WDR7: variants seen among roughly 807,000 people sequenced by gnomAD.
WDR7 encodes WD repeat domain 7.
Under a neutral mutation model 169.4 loss-of-function variants are expected in WDR7, and 46 were observed. The ratio of observed to expected loss-of-function variants is 0.27; its 90% confidence interval spans 0.21 to 0.35. The LOEUF (loss-of-function observed/expected upper bound fraction) is 0.35, where lower values mean the gene tolerates loss of function less well. Among genes scored for constraint, WDR7 ranks in the 10% least tolerant of loss-of-function variants. The pLI is 1.00. For synonymous variants in WDR7, 612 were observed against 666.8 expected (o/e 0.92, Z 1.27); for missense variants, 1,534 against 1,859.3 (o/e 0.83, Z 3.22).
intron 22 of WDR7, among the ~76,000 whole-genome samples, chr18:56,924,897 A>C (rs2046781731): frequency 6.6e-6 from 1 of 152,202 alleles, no homozygotes; most frequent in Non-Finnish European, 1.5e-5. Context: ...CACAGAAGTC[A>C]CCCTGAATGG....
At chr18:56,763,981 T>C (rs1320795738) in intron 16 of WDR7, among the ~76,000 whole-genome samples, 2 of 152,120 alleles carry the variant, frequency 1.3e-5, no homozygotes, top group Non-Finnish European at 1.5e-5. Flanking sequence ...TTTAGCAATT[T>C]TATGGATCTT....
At chr18:56,740,090 TTCTC>T (rs895308335) in intron 14 of WDR7, among the ~76,000 whole-genome samples, 3 of 152,014 alleles carry the variant, frequency 2.0e-5, no homozygotes, top group East Asian at 1.9e-4. Context: ...TTTCATGTTC[TTCTC>T]TCTATTTTGT....
intron 20 of WDR7, among the ~76,000 whole-genome samples, chr18:56,851,998 A>G (rs1437175631): frequency 2.0e-5 from 3 of 152,034 alleles, no homozygotes; most frequent in Admixed American, 6.6e-5. Context: ...CTTCACAGAG[A>G]AAATGACCCT....
intron 20 of WDR7, among the ~76,000 whole-genome samples, chr18:56,839,430 TCTTA>T (rs1188117275): frequency 6.6e-6 from 1 of 152,320 alleles, no homozygotes; most frequent in East Asian, 1.9e-4. Flanking sequence ...AGTGTGTATC[TCTTA>T]CTTATAAGAC....
chr18:56,950,958 T>G (rs553684693), intron 25 of WDR7, among the ~76,000 whole-genome samples: 1 of 152,226 alleles, frequency 6.6e-6, no homozygotes, highest in Non-Finnish European at 1.5e-5. Context: ...ATTCTCAAAT[T>G]CTGTAGGCTC....
At chr18:56,727,788 CT>C (rs2026493114) in intron 13 of WDR7, among the ~76,000 whole-genome samples, 1 of 152,124 alleles carries the variant, frequency 6.6e-6, no homozygotes, top group African/African-American at 2.4e-5. Context: ...TGTTTTGACC[CT>C]CACTCTTGGG....
chr18:56,954,330 A>G (rs868821582), intron 25 of WDR7, among the ~76,000 whole-genome samples: 1 of 152,222 alleles, frequency 6.6e-6, no homozygotes, highest in African/African-American at 2.4e-5. Context: ...ATTATTTCTT[A>G]CTAACAGTTG....
intron 21 of WDR7, among the ~76,000 whole-genome samples, chr18:56,911,700 T>C (rs1438240974): frequency 6.6e-6 from 1 of 152,180 alleles, no homozygotes; most frequent in Non-Finnish European, 1.5e-5. Context: ...AGAGATCAAA[T>C]AATTTTTCAT....
rs2043911296 is a variant in WDR7, at chr18:56,757,450, TTTA to T, written c.2759+104_2759+106del. The T allele has an allele frequency of 3.2e-6, 4 of 1,244,886 alleles. No homozygotes were observed. In the African/African-American group the frequency reaches 4.5e-5, roughly 14 times the overall value. The allele number at this position is 1,244,886 out of a possible 1,614,324, so 77.1% of individuals were successfully genotyped here. A position where few individuals can be genotyped will look rare whatever the true frequency, so the allele number is the denominator to read the frequency against. ...TTACTCTTTTTTGGCTCTACACAAT[TTTA>T]TTATTTCAGTGTCATCTCAGTTGTT... On this transcript the variant is annotated intron_variant, in intron 15 of 27. Transcript: ENST00000254442.
At chr18:57,031,321 T>TCTTCTAATTAATATCA (rs1315047907), downstream of WDR7, 4 of 152,236 alleles carry the variant, frequency 2.6e-5, no homozygotes, top group Non-Finnish European at 2.9e-5. Context: ...CTAATTAATG[T>TCTTCTAATTAATATCA]CTCTCTGAGT....
chr18:56,938,199 A>G (rs1247823067), intron 23 of WDR7, among the ~76,000 whole-genome samples: 1 of 152,226 alleles, frequency 6.6e-6, no homozygotes, highest in Non-Finnish European at 1.5e-5. Context: ...CAAGGATCGT[A>G]TCTTTTACTT....
chr18:56,911,609 G>T (rs2046553148), intron 21 of WDR7, among the ~76,000 whole-genome samples: 1 of 152,118 alleles, frequency 6.6e-6, no homozygotes, highest in Admixed American at 6.6e-5. Flanking sequence ...CTTATCTGGG[G>T]TCTTTGACTG....
In WDR7 at chr18:56,719,475, T is replaced by C. The variant is rs541026526; in HGVS notation, c.1774+1316T>C. ...TACTTGGGAGGCTGAGGCAGGAGAA[T>C]GGCGTGAACCCGGGAGGCGGAGCTT... is the stretch of plus-strand genomic sequence containing the variant. On this transcript the variant is annotated intron_variant, in intron 13 of 27. Transcript: ENST00000254442. 2.1e-5 allele frequency among the ~76,000 whole-genome samples: 3 copies of C among 146,182 alleles called. No individual in the cohort carries two copies. The South Asian group carries it at 6.4e-4, about 31-fold the overall frequency.
intron 21 of WDR7, among the ~76,000 whole-genome samples, chr18:56,922,670 A>G (rs547196440): frequency 6.6e-6 from 1 of 152,252 alleles, no homozygotes; most frequent in Non-Finnish European, 1.5e-5. Flanking sequence ...TCCTGGGGAA[A>G]GGACTGATGG....
chr18:56,683,246 G>A (rs1187515055), intron 5 of WDR7, among the ~76,000 whole-genome samples: 4 of 151,988 alleles, frequency 2.6e-5, no homozygotes, highest in African/African-American at 9.7e-5. Flanking sequence ...TTTCAAATGG[G>A]GACAGTGAAA....
At chr18:56,921,220 T>A (rs1447041133) in intron 21 of WDR7, among the ~76,000 whole-genome samples, 1 of 152,212 alleles carries the variant, frequency 6.6e-6, no homozygotes, top group Non-Finnish European at 1.5e-5. Flanking sequence ...TTGGGAAAAG[T>A]TGTTAGAGAT....
intron 20 of WDR7, among the ~76,000 whole-genome samples, chr18:56,860,594 A>T (rs1467890119): frequency 6.6e-6 from 1 of 152,212 alleles, no homozygotes; most frequent in Non-Finnish European, 1.5e-5. Context: ...ACTCATTAGG[A>T]TTGTGACCAA....
chr18:56,931,516 A>G (rs1201855492), intron 22 of WDR7, among the ~76,000 whole-genome samples: 2 of 152,094 alleles, frequency 1.3e-5, no homozygotes, highest in Non-Finnish European at 2.9e-5. Context: ...CTTACTGTGT[A>G]ACTGTGGAGC....
intron 20 of WDR7, among the ~76,000 whole-genome samples, chr18:56,827,947 G>A (rs931912211): frequency 3.3e-5 from 5 of 152,198 alleles, no homozygotes; most frequent in Non-Finnish European, 7.3e-5. Context: ...CTGGAGCATA[G>A]TAAGTGCTCA....
Sources: allele counts gnomAD v4.1 joint callset (sites outside exome capture counted in the v4.1 genomes callset), GRCh38; gene constraint gnomAD v4.1.1; transcripts MANE v1.5; gene names NCBI Gene and HGNC (gene_info 2026-07-23, HGNC 2026-07-21).